DAB1: variants seen among roughly 807,000 people sequenced by gnomAD.
DAB1 encodes the protein DAB adaptor protein 1.
A neutral mutation model predicts 64.6 loss-of-function variants in DAB1; 15 were observed. That is an observed-to-expected ratio of 0.23 (90% CI 0.16 to 0.36). The LOEUF is 0.36. Ranked by LOEUF, DAB1 falls within the 10% of genes least tolerant of loss-of-function variation. The probability of loss-of-function intolerance (pLI) is 1.00; values close to 1 mark genes in which losing one functional copy is unlikely to be tolerated. For missense variants in DAB1, 596 were observed against 706.7 expected (o/e 0.84, Z 1.78); for synonymous variants, 235 against 251.9 (o/e 0.93, Z 0.64).
chr1:58,223,632 C>G (rs1214427167), intron 4 of DAB1, among the ~76,000 whole-genome samples: 1 of 152,152 alleles, frequency 6.6e-6, no homozygotes, highest in African/African-American at 2.4e-5. Context: ...CCCAACGAAT[C>G]TGAAGAAATT....
At chr1:58,023,567 T>G (rs1035793421) in intron 5 of DAB1, among the ~76,000 whole-genome samples, 6 of 152,212 alleles carry the variant, frequency 3.9e-5, no homozygotes, top group South Asian at 2.1e-4. Context: ...AACTATGGTT[T>G]GTCTCTGCAA....
intron 7 of DAB1, among the ~76,000 whole-genome samples, chr1:57,474,131 G>A (rs1163988152): frequency 6.6e-6 from 1 of 152,036 alleles, no homozygotes; most frequent in Non-Finnish European, 1.5e-5. Flanking sequence ...TAAAATACTG[G>A]AGTAATTATA....
chr1:57,738,007 T>C (rs1647779317), intron 6 of DAB1, among the ~76,000 whole-genome samples: 1 of 152,222 alleles, frequency 6.6e-6, no homozygotes, highest in South Asian at 2.1e-4. Context: ...CATGGGTTCT[T>C]AGCCAGAGGC....
intron 5 of DAB1, among the ~76,000 whole-genome samples, chr1:57,932,017 G>A (rs575240632): frequency 1.8e-4 from 28 of 152,024 alleles, no homozygotes; most frequent in African/African-American, 5.1e-4. Flanking sequence ...AGCTTTCACC[G>A]CAACCCACAA....
At chr1:58,129,324 T>A (rs1455627085) in intron 5 of DAB1, among the ~76,000 whole-genome samples, 3 of 150,312 alleles carry the variant, frequency 2.0e-5, no homozygotes, top group Admixed American at 6.6e-5. Flanking sequence ...CATTTTTTAT[T>A]GTGTCTATTT....
chr1:57,017,159 C>T (rs984408438), intron 11 of DAB1, among the ~76,000 whole-genome samples: 11 of 152,020 alleles, frequency 7.2e-5, no homozygotes, highest in African/African-American at 2.7e-4. Flanking sequence ...TCCAGGGGTC[C>T]CCACCCTTCT....
chr1:57,915,841 G>T (rs1438058211), intron 5 of DAB1, among the ~76,000 whole-genome samples: 5 of 152,174 alleles, frequency 3.3e-5, no homozygotes, highest in Non-Finnish European at 5.9e-5. Flanking sequence ...TATGGAAAAA[G>T]TTCATCTTGG....
chr1:58,536,377 G>A, intron 1 of DAB1: 1 of 612,312 alleles, frequency 1.6e-6, no homozygotes, highest in Non-Finnish European at 2.9e-6. Context: ...AAGGTCTGAG[G>A]CCTTCGGGAA....
At chr1:58,275,245 A>G (rs1467493969) in intron 4 of DAB1, among the ~76,000 whole-genome samples, 1 of 152,248 alleles carries the variant, frequency 6.6e-6, no homozygotes, top group Admixed American at 6.5e-5. Context: ...AAAACATAGG[A>G]GAAGAGCTTC....
chr1:58,473,545 AAAATAAAT>A (rs56211911), intron 3 of DAB1, among the ~76,000 whole-genome samples: 3,474 of 122,584 alleles, frequency 0.028, 90 homozygotes, highest in Middle Eastern at 0.08. Flanking sequence ...CCGTCTCAAA[AAAATAAAT>A]AAATAAATAA....
intron 1 of DAB1, among the ~76,000 whole-genome samples, chr1:58,531,643 A>T (rs1249363571): frequency 6.6e-6 from 1 of 152,148 alleles, no homozygotes; most frequent in Non-Finnish European, 1.5e-5. Context: ...AACATACTTT[A>T]CCTCCTTATA....
chr1:58,360,810 G>A (rs1427689757), intron 3 of DAB1, among the ~76,000 whole-genome samples: 1 of 152,046 alleles, frequency 6.6e-6, no homozygotes, highest in African/African-American at 2.4e-5. Flanking sequence ...TCCTTATAGA[G>A]TATTTGGAAT....
rs546921156 is a variant in DAB1, at chr1:58,222,163, G to A, written n.310-71575C>T. Among the ~76,000 whole-genome samples, 3 of 152,260 alleles carry A rather than the reference G, an allele frequency of 2.0e-5. No homozygotes were observed. In the South Asian group the frequency reaches 6.2e-4, roughly 32 times the overall value. On this transcript the variant is annotated intron_variant and non_coding_transcript_variant, in intron 4 of 20. Transcript: ENST00000485760. ...AACTGTGGAACTTAACTTTAGGGAA[G>A]AGTGATGGGTAATCACCTTTCTATA...
chr1:57,213,000 G>A (rs564003514), intron 2 of DAB1, among the ~76,000 whole-genome samples: 1 of 152,152 alleles, frequency 6.6e-6, no homozygotes. Flanking sequence ...TGGTGCAAAG[G>A]ACTAGAGGAC....
At chr1:58,112,866 C>A (rs138278775) in intron 5 of DAB1, among the ~76,000 whole-genome samples, 18 of 152,068 alleles carry the variant, frequency 1.2e-4, no homozygotes, top group African/African-American at 4.3e-4. Context: ...AAAATGGAAG[C>A]CTCTGGAAGG....
chr1:58,465,743 CA>C (rs1645289839), intron 3 of DAB1, among the ~76,000 whole-genome samples: 1 of 152,130 alleles, frequency 6.6e-6, no homozygotes, highest in Admixed American at 6.5e-5. Context: ...GGGCACTTAC[CA>C]TGTGTTTTAA....
At chr1:57,692,374 A>T (rs1312098473) in intron 6 of DAB1, among the ~76,000 whole-genome samples, 1 of 152,086 alleles carries the variant, frequency 6.6e-6, no homozygotes, top group Non-Finnish European at 1.5e-5. Context: ...AAAGACCAGC[A>T]GAGAGGAAAG....
chr1:57,006,535 C>T (rs1570475474), intron 14 of DAB1, among the ~76,000 whole-genome samples: 1 of 152,274 alleles, frequency 6.6e-6, no homozygotes, highest in South Asian at 2.1e-4. Context: ...TCTTGGCTGA[C>T]ACTGCCCTTA....
chr1:57,424,905 T>C (rs1685218280), upstream of DAB1, among the ~76,000 whole-genome samples: 1 of 152,198 alleles, frequency 6.6e-6, no homozygotes, highest in South Asian at 2.1e-4. Flanking sequence ...TACTCGGCTC[T>C]TAGAATGACT....
Sources: allele counts gnomAD v4.1 joint callset (sites outside exome capture counted in the v4.1 genomes callset), GRCh38; gene constraint gnomAD v4.1.1; transcripts MANE v1.5; gene names NCBI Gene and HGNC (gene_info 2026-07-23, HGNC 2026-07-21).